KCNQ3: variants seen among roughly 807,000 people sequenced by gnomAD.
KCNQ3 encodes potassium voltage-gated channel subfamily Q member 3.
KCNQ3 carries 30 observed loss-of-function variants against 92.5 expected under a neutral mutation model. That is an observed-to-expected ratio of 0.32 (90% CI 0.24 to 0.44). The LOEUF is 0.44. KCNQ3 is among the 20% of genes least tolerant of loss of function. The pLI is 1.00. For synonymous variants in KCNQ3, 450 were observed against 468.8 expected, an observed-to-expected ratio of 0.96 and a Z score of 0.52; for missense variants, 913 against 1,140.3, an observed-to-expected ratio of 0.80 and a Z score of 2.87.
chr8:132,382,735 T>C (rs1819786080), intron 1 of KCNQ3, among the ~76,000 whole-genome samples: 1 of 152,040 alleles, frequency 6.6e-6, no homozygotes, highest in African/African-American at 2.4e-5. Flanking sequence ...CTGAGCTCCT[T>C]GTGAATTGGG....
At chr8:132,344,890 G>A (rs1818637249) in intron 1 of KCNQ3, among the ~76,000 whole-genome samples, 2 of 152,304 alleles carry the variant, frequency 1.3e-5, no homozygotes, top group Admixed American at 1.3e-4. Context: ...AAGCTTGGGA[G>A]AAGGGAGAGA....
At chr8:132,139,539 T>C (rs1212413342) in intron 11 of KCNQ3, among the ~76,000 whole-genome samples, 3 of 152,220 alleles carry the variant, frequency 2.0e-5, no homozygotes, top group African/African-American at 7.2e-5. Context: ...TGATAAAGTT[T>C]AGGTAATAGC....
In KCNQ3 at chr8:132,140,149, C is replaced by T; in HGVS notation, c.1495G>A (p.Asp499Asn). The T allele has an allele frequency of 1.2e-6, 2 of 1,613,602 alleles. No homozygotes were observed. Among genetic ancestry groups the T allele is most frequent in the Non-Finnish European group, 1.7e-6 (2 of 1,179,918 alleles). The change falls in exon 11 of 15, where the codon GAC (aspartate) becomes AAC (asparagine). Residue 499 changes from aspartate to asparagine, a missense_variant. Physicochemically the swap from Asp to Asn is conservative, Grantham distance 23. Around this residue, in one of 6 missense-constraint regions of KCNQ3, gnomAD observed 182 missense variants for 234.5 expected, o/e 0.78. Coordinates refer to ENST00000388996, the MANE Select transcript of KCNQ3 (RefSeq NM_004519.4). ...GGGAAGTCATTCCCATAGCCCCTGT[C>T]TTCCGCCATGGGGTCACCTGTCCCG... Reference protein sequence around the residue: ...DAGTGDPMAEDRGYGNDFPIE... With the variant: ...DAGTGDPMAENRGYGNDFPIE...
intron 9 of KCNQ3, among the ~76,000 whole-genome samples, chr8:132,150,342 C>A (rs1379382777): frequency 6.6e-6 from 1 of 152,062 alleles, no homozygotes; most frequent in African/African-American, 2.4e-5. Context: ...TCAATCCTGG[C>A]CTAGGGAATT....
At chr8:132,304,891 C>T (rs1817368364) in intron 1 of KCNQ3, among the ~76,000 whole-genome samples, 1 of 151,918 alleles carries the variant, frequency 6.6e-6, no homozygotes, top group South Asian at 2.1e-4. Flanking sequence ...AAGAAGGAGA[C>T]ACAGATAACA....
intron 1 of KCNQ3, among the ~76,000 whole-genome samples, chr8:132,322,933 C>T (rs1817933116): frequency 6.6e-6 from 1 of 152,178 alleles, no homozygotes; most frequent in Non-Finnish European, 1.5e-5. Context: ...AAGTGCACCA[C>T]TTGCAAGGTT....
At chr8:132,410,461 C>G (rs932848318) in intron 1 of KCNQ3, among the ~76,000 whole-genome samples, 1 of 152,160 alleles carries the variant, frequency 6.6e-6, no homozygotes, top group African/African-American at 2.4e-5. Context: ...GAAGCAAACC[C>G]GTCCACCTGG....
In KCNQ3 at chr8:132,159,983, C is replaced by A. The variant is rs566501473; in HGVS notation, c.1262+3485G>T. ...GTGTCAGGTGTAGGAGATAATGCAG[C>A]GAATAAAACAGAAAAGAGCTTAGCC... On this transcript the variant is annotated intron_variant, in intron 9 of 14. Coordinates refer to ENST00000388996, the MANE Select transcript of KCNQ3 (RefSeq NM_004519.4). Among the ~76,000 whole-genome samples the A allele has an allele frequency of 3.9e-5, 6 of 152,158 alleles. No homozygotes were observed. The East Asian group carries it at 7.7e-4, about 20-fold the overall frequency.
intron 1 of KCNQ3, among the ~76,000 whole-genome samples, chr8:132,348,099 C>T (rs1309358087): frequency 2.0e-5 from 3 of 150,936 alleles, no homozygotes; most frequent in Non-Finnish European, 3.0e-5. Flanking sequence ...GCATTTCCTA[C>T]ATTGTAATTT....
intron 1 of KCNQ3, among the ~76,000 whole-genome samples, chr8:132,353,432 T>C (rs1016430578): frequency 6.6e-6 from 1 of 152,052 alleles, no homozygotes; most frequent in African/African-American, 2.4e-5. Context: ...AACTGGGAAG[T>C]TGAACAAATG....
At chr8:132,157,656 A>G (rs983628023) in intron 9 of KCNQ3, among the ~76,000 whole-genome samples, 1 of 149,788 alleles carries the variant, frequency 6.7e-6, no homozygotes, top group Non-Finnish European at 1.5e-5. Flanking sequence ...ATTTTATTTT[A>G]TTTTTTTATT....
chr8:132,274,231 G>A (rs1412940599), intron 1 of KCNQ3, among the ~76,000 whole-genome samples: 1 of 152,162 alleles, frequency 6.6e-6, no homozygotes, highest in Non-Finnish European at 1.5e-5. Context: ...CATGGTGGAA[G>A]GCAAGGAGAA....
At chr8:132,398,640 T>C (rs547074396) in intron 1 of KCNQ3, among the ~76,000 whole-genome samples, 2 of 152,248 alleles carry the variant, frequency 1.3e-5, no homozygotes, top group Non-Finnish European at 2.9e-5. Context: ...TATAAACCAG[T>C]ACAGGTTAAG....
intron 1 of KCNQ3, among the ~76,000 whole-genome samples, chr8:132,256,556 A>G (rs1036080319): frequency 1.3e-5 from 2 of 152,222 alleles, no homozygotes; most frequent in Non-Finnish European, 2.9e-5. Context: ...GATACCACAT[A>G]ATAAAACTCT....
intron 1 of KCNQ3, among the ~76,000 whole-genome samples, chr8:132,455,194 C>A (rs555333175): frequency 6.6e-6 from 1 of 152,128 alleles, no homozygotes; most frequent in Non-Finnish European, 1.5e-5. Context: ...GCAACCTCCA[C>A]CCCTCGGGTT....
At chr8:132,253,221 C>T (rs1005417779) in intron 1 of KCNQ3, among the ~76,000 whole-genome samples, 5 of 152,152 alleles carry the variant, frequency 3.3e-5, no homozygotes, top group Admixed American at 6.5e-5. Flanking sequence ...AAATGAGGTT[C>T]GTTTCCAAAA....
At chr8:132,464,115 T>A (rs1216749480) in intron 1 of KCNQ3, among the ~76,000 whole-genome samples, 2 of 152,222 alleles carry the variant, frequency 1.3e-5, no homozygotes, top group African/African-American at 4.8e-5. Flanking sequence ...ACATCATTTT[T>A]ATATTAGCAG....
At chr8:132,212,907 C>T (rs1266623602) in intron 1 of KCNQ3, among the ~76,000 whole-genome samples, 3 of 152,312 alleles carry the variant, frequency 2.0e-5, no homozygotes, top group East Asian at 1.9e-4. Flanking sequence ...AGGCAGGTGC[C>T]GCTGCACTTC....
At chr8:132,288,549 C>T (rs544849290) in intron 1 of KCNQ3, among the ~76,000 whole-genome samples, 96 of 152,262 alleles carry the variant, frequency 6.3e-4, no homozygotes, top group Non-Finnish European at 1.2e-3. Context: ...TTCCCCCTCT[C>T]GGAGCTACAA....
Sources: allele counts gnomAD v4.1 joint callset (sites outside exome capture counted in the v4.1 genomes callset), GRCh38; gene constraint gnomAD v4.1.1; regional missense constraint gnomAD v4.1.1; transcripts MANE v1.5; gene names NCBI Gene and HGNC (gene_info 2026-07-23, HGNC 2026-07-21).